Variants in GRM8 observed in about 807,000 individuals in gnomAD.
The protein encoded by GRM8 is metabotropic glutamate receptor 8.
Under a neutral mutation model 87.2 loss-of-function variants are expected in GRM8, and 47 were observed. That is an observed-to-expected ratio of 0.54 (90% CI 0.43 to 0.69). The LOEUF (loss-of-function observed/expected upper bound fraction) is 0.69. Among genes scored for constraint, GRM8 ranks in the 30% least tolerant of loss-of-function variants. The pLI is 0.00. For missense variants in GRM8, 1,019 were observed against 1,139.2 expected, an observed-to-expected ratio of 0.89 and a Z score of 1.52; for synonymous variants, 396 against 404.5, an observed-to-expected ratio of 0.98 and a Z score of 0.25.
At chr7:126,697,430 G>A (rs1418536867) in intron 7 of GRM8, among the ~76,000 whole-genome samples, 1 of 152,066 alleles carries the variant, frequency 6.6e-6, no homozygotes, top group African/African-American at 2.4e-5. Context: ...AGGTAATTAC[G>A]TGACATGATG....
At chr7:127,098,023 A>G (rs1348807781) in intron 3 of GRM8, among the ~76,000 whole-genome samples, 1 of 152,230 alleles carries the variant, frequency 6.6e-6, no homozygotes, top group Admixed American at 6.5e-5. Flanking sequence ...CAGCTTCTGC[A>G]ATAACTGTTA....
chr7:126,984,933 T>C (rs1811899120), intron 3 of GRM8, among the ~76,000 whole-genome samples: 1 of 152,164 alleles, frequency 6.6e-6, no homozygotes, highest in Non-Finnish European at 1.5e-5. Context: ...TTTTGGTTCA[T>C]GTGATATATA....
At chr7:126,802,079 T>C (rs1240822691) in intron 6 of GRM8, among the ~76,000 whole-genome samples, 1 of 152,146 alleles carries the variant, frequency 6.6e-6, no homozygotes, top group African/African-American at 2.4e-5. Flanking sequence ...AAACTATATA[T>C]TTATGGTGTA....
At chr7:127,063,210 G>A (rs558397900) in intron 3 of GRM8, among the ~76,000 whole-genome samples, 12 of 151,354 alleles carry the variant, frequency 7.9e-5, no homozygotes, top group African/African-American at 1.9e-4. Flanking sequence ...CCGAGATCAC[G>A]CCACTGCACT....
chr7:126,707,838 A>G (rs970782408), intron 7 of GRM8, among the ~76,000 whole-genome samples: 18 of 152,168 alleles, frequency 1.2e-4, no homozygotes, highest in African/African-American at 3.9e-4. Flanking sequence ...TGGTCTTGAC[A>G]ATGGTTTTTT....
chr7:126,940,792 G>T (rs1011010836), intron 3 of GRM8, among the ~76,000 whole-genome samples: 53 of 152,098 alleles, frequency 3.5e-4, no homozygotes, highest in African/African-American at 1.2e-3. Context: ...TTCCTTTGAG[G>T]ATGCTTTTGG....
chr7:126,876,962 T>A (rs1225721204), intron 6 of GRM8, among the ~76,000 whole-genome samples: 2 of 151,946 alleles, frequency 1.3e-5, no homozygotes, highest in Non-Finnish European at 2.9e-5. Context: ...CTGTTCCATG[T>A]TGCCTCTATT....
chr7:126,508,520 C>T (rs926186162), intron 9 of GRM8, among the ~76,000 whole-genome samples: 4 of 152,006 alleles, frequency 2.6e-5, no homozygotes, highest in African/African-American at 7.2e-5. Context: ...TAAATCTCAA[C>T]ATGAGTTTTG....
At chr7:127,050,416 G>A (rs916289395) in intron 3 of GRM8, among the ~76,000 whole-genome samples, 7 of 152,194 alleles carry the variant, frequency 4.6e-5, no homozygotes, top group Non-Finnish European at 1.0e-4. Context: ...AGAGGTAGAG[G>A]TAGGAGTGAA....
intron 8 of GRM8, among the ~76,000 whole-genome samples, chr7:126,564,473 C>G (rs921792292): frequency 6.6e-6 from 1 of 151,854 alleles, no homozygotes; most frequent in Non-Finnish European, 1.5e-5. Context: ...TCAGATAAAC[C>G]AGATAATCTA....
chr7:127,111,168 C>T (rs1046403635), intron 2 of GRM8: 1 of 152,082 alleles, frequency 6.6e-6, no homozygotes, highest in African/African-American at 2.4e-5. Flanking sequence ...TAGTCATGTG[C>T]CTGGGGAGTT....
chr7:127,132,836 T>C (rs893011830), intron 2 of GRM8, among the ~76,000 whole-genome samples: 2 of 152,122 alleles, frequency 1.3e-5, no homozygotes, highest in African/African-American at 2.4e-5. Context: ...GAGTCCTAGA[T>C]GTTCACTGGC....
intron 3 of GRM8, chr7:127,084,739 C>G (rs895196143): frequency 3.3e-5 from 5 of 152,216 alleles, no homozygotes; most frequent in Non-Finnish European, 5.9e-5. Context: ...CCATCACTAA[C>G]TTACCCACTC....
At chr7:126,850,068 C>T (rs992130202) in intron 6 of GRM8, among the ~76,000 whole-genome samples, 3 of 152,104 alleles carry the variant, frequency 2.0e-5, no homozygotes, top group Non-Finnish European at 2.9e-5. Flanking sequence ...CTATGCATGC[C>T]GCCTCCAGTT....
chr7:127,123,333 C>G (rs923715841), intron 2 of GRM8, among the ~76,000 whole-genome samples: 1 of 152,094 alleles, frequency 6.6e-6, no homozygotes, highest in African/African-American at 2.4e-5. Context: ...GCATAATGGG[C>G]GGTGTTTGGG....
At chr7:126,576,352 C>T (rs1325715349) in intron 8 of GRM8, among the ~76,000 whole-genome samples, 1 of 151,934 alleles carries the variant, frequency 6.6e-6, no homozygotes, top group Non-Finnish European at 1.5e-5. Context: ...ATGTGATCTC[C>T]ACCCACTGCA....
intron 5 of GRM8, among the ~76,000 whole-genome samples, chr7:126,903,735 GTATATATATATGTATATGTGTA>G (rs1563300698): frequency 2.4e-5 from 3 of 125,300 alleles, no homozygotes; most frequent in African/African-American, 6.1e-5. Context: ...ATGTATATGT[GTATATATATATGTATATGTGTA>G]TATATATATG....
At position 126,712,648 on chromosome 7, in the gene GRM8, C is replaced by G. The variant is rs1030225813; in HGVS notation, c.1357+57217G>C. 2.0e-5 allele frequency among the ~76,000 whole-genome samples: 3 copies of G among 152,150 alleles called. No homozygotes were observed. The East Asian group carries it at 5.8e-4, about 29-fold the overall frequency. ...TCTGCTCAGCAAAGGAAACTATCAT[C>G]AGAGTGAACAGGCAACCTACAGAAT... On this transcript the variant is annotated intron_variant, in intron 7 of 10. Coordinates refer to ENST00000339582, the MANE Select transcript of GRM8 (RefSeq NM_000845.3).
chr7:127,170,910 G>C (rs543783251), intron 2 of GRM8, among the ~76,000 whole-genome samples: 28 of 152,156 alleles, frequency 1.8e-4, no homozygotes, highest in Non-Finnish European at 2.8e-4. Context: ...CGGGTGATGG[G>C]TGCACCAAAA....
Sources: allele counts gnomAD v4.1 joint callset (sites outside exome capture counted in the v4.1 genomes callset), GRCh38; gene constraint gnomAD v4.1.1; transcripts MANE v1.5; gene names NCBI Gene and HGNC (gene_info 2026-07-23, HGNC 2026-07-21).